The following MEAK7 variants were observed in gnomAD, a reference collection of about 807,000 sequenced individuals.
MEAK7 encodes MTOR-associated protein MEAK7.
In MEAK7, 68 loss-of-function variants were observed where a neutral mutation model predicts 40.5. The observed-to-expected ratio is 1.68, with a 90% CI of 1.38 to 2.06. MEAK7 has a LOEUF of 2.06. Among genes scored for constraint, MEAK7 ranks in the 30% most tolerant of loss-of-function variants. MEAK7 has a pLI of 0.00. For missense variants in MEAK7, 918 were observed against 580.5 expected, an observed-to-expected ratio of 1.58 and a Z score of -5.98; for synonymous variants, 338 against 231.9, an observed-to-expected ratio of 1.46 and a Z score of -4.16.
chr16:84,491,884 T>A (rs1458110448), intron 3 of MEAK7, among the ~76,000 whole-genome samples: 1 of 152,156 alleles, frequency 6.6e-6, no homozygotes, highest in Non-Finnish European at 1.5e-5. Flanking sequence ...TAAATTTTTT[T>A]AAATTAAGGT....
At position 84,504,057 on chromosome 16, in the gene MEAK7, G is replaced by A. The variant is rs1336804524; in HGVS notation, c.-26+544C>T. 5 of 985,420 alleles carry A rather than the reference G, an allele frequency of 5.1e-6. No homozygotes were observed. In the East Asian group the frequency reaches 4.5e-4, roughly 89 times the overall value. 61.0% of individuals were successfully genotyped at this position (985,420 alleles called of 1,614,324 possible). On this transcript the variant is annotated intron_variant, in intron 1 of 7. Transcript: ENST00000343629. ...AGGCCCTTGTGCGAAGGGGCAGCTT[G>A]AGCCTGGGCAAGAAGTTCCTGTGGG...
intron 2 of MEAK7, 95 bp downstream of exon 2, chr16:84,497,839 C>T: frequency 1.4e-5 from 21 of 1,548,942 alleles, no homozygotes; most frequent in Non-Finnish European, 1.5e-5. Flanking sequence ...CCATCCATCC[C>T]ATTACAAAAA....
chr16:84,500,220 G>C (rs1326290645), intron 1 of MEAK7, among the ~76,000 whole-genome samples: 1 of 152,142 alleles, frequency 6.6e-6, no homozygotes, highest in African/African-American at 2.4e-5. Context: ...ATTAGCTGAA[G>C]GACACTGGGG....
At position 84,489,263 on chromosome 16, in the gene MEAK7, T is replaced by A. The variant is rs371095304; in HGVS notation, c.529+15A>T. Reference sequence around the variant, plus strand: ...ACAGCAAAAGACCTGCATCACCGCGTCCACGCACACTTGCCTTGCAGCTTC... The same window carrying A: ...ACAGCAAAAGACCTGCATCACCGCGACCACGCACACTTGCCTTGCAGCTTC... On this transcript the variant is annotated intron_variant, in intron 4 of 7. Coordinates refer to ENST00000343629, the MANE Select transcript of MEAK7 (RefSeq NM_020947.4). The A allele has an allele frequency of 2.4e-5, 38 of 1,613,204 alleles. No individual in the cohort carries two copies. The African/African-American group carries it at 4.4e-4, about 19-fold the overall frequency.
In MEAK7 at chr16:84,493,316, T is replaced by C. The variant is rs139347960; in HGVS notation, c.384+2367A>G. On this transcript the variant is annotated intron_variant, in intron 3 of 7. Transcript: ENST00000343629. ...TTATAGGGCAGTTTATAGTCAGCTA[T>C]AGAACTCTGAAGAGTACTCTTAAAT... 3.5e-3 allele frequency among the ~76,000 whole-genome samples: 528 copies of C among 152,332 alleles called. 5 individuals are homozygous for C. The highest frequency in any genetic ancestry group is 0.012 in the African/African-American group (499 of 41,570).
intron 6 of MEAK7, among the ~76,000 whole-genome samples, chr16:84,482,046 C>T (rs1912601175): frequency 6.6e-6 from 1 of 152,170 alleles, no homozygotes. Context: ...CCAACTCCTG[C>T]CCTCGGGCCT....
chr16:84,490,653 G>GAT (rs1555513464), intron 3 of MEAK7, among the ~76,000 whole-genome samples: 2 of 104,432 alleles, frequency 1.9e-5, no homozygotes, highest in Non-Finnish European at 3.9e-5. Flanking sequence ...AGCTAATCAA[G>GAT]ATGTGTGTGT....
intron 1 of MEAK7, chr16:84,502,987 T>A (rs371821767): frequency 6.6e-6 from 1 of 152,182 alleles, no homozygotes; most frequent in African/African-American, 2.4e-5. Flanking sequence ...AATCTGGTTT[T>A]AGCAAAACAA....
At chr16:84,496,857 T>A (rs191251622) in intron 2 of MEAK7, among the ~76,000 whole-genome samples, 4 of 152,292 alleles carry the variant, frequency 2.6e-5, no homozygotes, top group Admixed American at 2.0e-4. Context: ...AACATCATCT[T>A]CATTCTAGAT....
At chr16:84,481,581 A>G (rs1482935246) in intron 6 of MEAK7, among the ~76,000 whole-genome samples, 2 of 152,150 alleles carry the variant, frequency 1.3e-5, no homozygotes, top group Admixed American at 6.5e-5. Flanking sequence ...TGGTCCCTAT[A>G]TCGGACCAGC....
chr16:84,501,086 C>T (rs1010101108), intron 1 of MEAK7, among the ~76,000 whole-genome samples: 7 of 112,098 alleles, frequency 6.2e-5, no homozygotes, highest in African/African-American at 2.4e-4. Context: ...CAGAGTTAGA[C>T]TCGTCTCAAA....
At chr16:84,484,195 T>C (rs1387499360) in intron 5 of MEAK7, among the ~76,000 whole-genome samples, 1 of 152,164 alleles carries the variant, frequency 6.6e-6, no homozygotes, top group Non-Finnish European at 1.5e-5. Context: ...AGGGCTGTTC[T>C]CCATAGGGAA....
intron 1 of MEAK7, 130 bp from the exon 2 acceptor site, chr16:84,498,241 G>C (rs898271582): frequency 9.0e-7 from 1 of 1,111,748 alleles, no homozygotes; most frequent in Non-Finnish European, 1.2e-6. Flanking sequence ...ACACATCAGA[G>C]CTACATAATA....
chr16:84,483,845 G>C (rs1036308237), intron 5 of MEAK7, among the ~76,000 whole-genome samples: 2 of 152,194 alleles, frequency 1.3e-5, no homozygotes, highest in Admixed American at 6.5e-5. Context: ...GACAGGTACG[G>C]AACAGTGGGG....
rs534552061 is a variant in MEAK7, at chr16:84,504,592, G to A, written c.-26+9C>T. The A allele has an allele frequency of 1.1e-5, 11 of 985,800 alleles. No individual in the cohort carries two copies. The highest frequency in any genetic ancestry group is 1.3e-5 in the Non-Finnish European group (11 of 830,192). 61.1% of individuals were successfully genotyped at this position (985,800 alleles called of 1,614,324 possible). On this transcript the variant is annotated intron_variant, in intron 1 of 7. Coordinates refer to ENST00000343629, the MANE Select transcript of MEAK7 (RefSeq NM_020947.4). ...TCAGCTCACTGCGAACCTCAGCCCA[G>A]GTACCTACCCTGCCGGGCTTCCTGG... is the stretch of plus-strand genomic sequence containing the variant.
chr16:84,477,595 C>T lies in MEAK7; in HGVS notation c.*2318G>A, dbSNP rs383805. 149,072 of 149,598 alleles carry T rather than the reference C, an allele frequency of 1. 74,283 individuals carry two copies. The highest frequency in any genetic ancestry group is 1 in the Middle Eastern group (290 of 290). The allele number at this position is 149,598 out of a possible 1,614,324, so 9.3% of individuals were successfully genotyped here. On this transcript the variant is annotated 3_prime_UTR_variant, in exon 8 of 8. Coordinates refer to ENST00000343629, the MANE Select transcript of MEAK7 (RefSeq NM_020947.4). ...ACGCGGACAAATTTTTTTTTTAACC[C>T]CTTCCTCCTAGCACTTTCTAGGGCC...
intron 5 of MEAK7, among the ~76,000 whole-genome samples, chr16:84,483,402 C>A (rs976392542): frequency 6.6e-6 from 1 of 152,240 alleles, no homozygotes; most frequent in African/African-American, 2.4e-5. Context: ...GGGACACTTC[C>A]CACCATGTTC....
In MEAK7 at chr16:84,489,546, G is replaced by C. The variant is rs111274320; in HGVS notation, c.385-124C>G. On this transcript the variant is annotated intron_variant, in intron 3 of 7. Transcript: ENST00000343629. Reference sequence around the variant, plus strand: ...ATGATGGGCCACAATGTGGGGAAAGGTCATGCAATGTATGTAGTTACTCGT... The same window carrying C: ...ATGATGGGCCACAATGTGGGGAAAGCTCATGCAATGTATGTAGTTACTCGT... 6.1e-3 allele frequency: 6,773 copies of C among 1,117,288 alleles called. 16 individuals are homozygous for C. Among genetic ancestry groups the C allele is most frequent in the Non-Finnish European group, 7.1e-3 (5,671 of 794,462 alleles). 69.2% of individuals were successfully genotyped at this position (1,117,288 alleles called of 1,614,324 possible).
rs567215004 is a variant in MEAK7 at position 84,491,754 on chromosome 16, C to A, written c.385-2332G>T. On this transcript the variant is annotated intron_variant, in intron 3 of 7. Transcript: ENST00000343629. ...TTGGGAAGCTAAGGCAGGAGAATGA[C>A]GTGAACCCAGGAGGCGGAGCTTGCA... is the stretch of plus-strand genomic sequence containing the variant. Among the ~76,000 whole-genome samples the A allele has an allele frequency of 2.7e-5, 4 of 149,984 alleles. No homozygotes were observed. The South Asian group carries it at 8.4e-4, about 32-fold the overall frequency.
Sources: allele counts gnomAD v4.1 joint callset (sites outside exome capture counted in the v4.1 genomes callset), GRCh38; gene constraint gnomAD v4.1.1; transcripts MANE v1.5; gene names NCBI Gene and HGNC (gene_info 2026-07-23, HGNC 2026-07-21).